Variants in KRABD3 observed in about 807,000 individuals in gnomAD.
KRABD3 encodes the protein KRAB domain containing 3.
At chr7:149,719,902 G>A in the KRABD3 span, 10 of 1,353,904 alleles carry the variant, frequency 7.4e-6, no homozygotes, top group Non-Finnish European at 9.8e-6. The surrounding 1 kb of genome is among the most constrained non-coding windows in gnomAD (Gnocchi z 5.6). Flanking sequence ...AGTTTAAGTG[G>A]TCACATGAAT....
the KRABD3 span, chr7:149,729,308 A>G: frequency 6.2e-7 from 1 of 1,600,476 alleles, no homozygotes; most frequent in South Asian, 1.1e-5. Flanking sequence ...CCCGCCTGCC[A>G]CCAGCGGGGG....
the KRABD3 span, chr7:149,734,091 C>T: frequency 1.9e-6 from 3 of 1,549,928 alleles, no homozygotes; most frequent in African/African-American, 2.7e-5. Context: ...GCCGAGGGTG[C>T]AGTGGTGGCG....
chr7:149,719,743 G>T, the KRABD3 span: 1 of 1,509,812 alleles, frequency 6.6e-7, no homozygotes, highest in South Asian at 1.2e-5. The surrounding 1 kb of genome is among the most constrained non-coding windows in gnomAD (Gnocchi z 5.6). Flanking sequence ...GGAGTCCCTG[G>T]ACCCGGCAGC....
the KRABD3 span, among the ~76,000 whole-genome samples, chr7:149,718,157 A>G: frequency 6.6e-6 from 1 of 152,086 alleles, no homozygotes; most frequent in Non-Finnish European, 1.5e-5. Flanking sequence ...CTGTAATCCT[A>G]GCACTTTGGG....
the KRABD3 span, chr7:149,725,879 C>G: frequency 6.4e-7 from 1 of 1,563,832 alleles, no homozygotes; most frequent in South Asian, 1.2e-5. Context: ...CTGTGCTGTT[C>G]CCTACAGAAG....
the KRABD3 span, chr7:149,730,649 C>G: frequency 6.7e-7 from 1 of 1,502,958 alleles, no homozygotes; most frequent in Admixed American, 2.0e-5. Context: ...TGAGTCCTGC[C>G]TGTCGCTTTG....
At chr7:149,725,822 C>T in the KRABD3 span, 3 of 1,411,618 alleles carry the variant, frequency 2.1e-6, no homozygotes, top group Non-Finnish European at 2.8e-6. Flanking sequence ...CCCGTGCACC[C>T]CATGGCCCAG....
chr7:149,728,988 G>A, the KRABD3 span, among the ~76,000 whole-genome samples: 1 of 152,346 alleles, frequency 6.6e-6, no homozygotes, highest in East Asian at 1.9e-4. Context: ...AAGCCCAGGG[G>A]TCCACGCAGC....
At chr7:149,733,713 C>A in the KRABD3 span, 1 of 1,581,814 alleles carries the variant, frequency 6.3e-7, no homozygotes, top group East Asian at 2.3e-5. Flanking sequence ...GACGCTCCCC[C>A]GGCAGAACCT....
At chr7:149,719,375 G>C in the KRABD3 span, 1 of 619,900 alleles carries the variant, frequency 1.6e-6, no homozygotes, top group Non-Finnish European at 2.6e-6. The surrounding 1 kb of genome is among the most constrained non-coding windows in gnomAD (Gnocchi z 5.6). Flanking sequence ...TCTCTGCAGA[G>C]ACACAGCTCA....
the KRABD3 span, chr7:149,733,160 G>C: frequency 2.6e-6 from 4 of 1,542,452 alleles, no homozygotes; most frequent in South Asian, 5.0e-5. Flanking sequence ...GGAGAGAAAG[G>C]TCCTTACAAA....
the KRABD3 span, chr7:149,728,531 C>G: frequency 6.2e-7 from 1 of 1,613,272 alleles, no homozygotes; most frequent in African/African-American, 1.3e-5. Context: ...AGGAAGCCCA[C>G]CAGGAAGCTC....
the KRABD3 span, among the ~76,000 whole-genome samples, chr7:149,723,142 A>G: frequency 6.6e-6 from 1 of 152,214 alleles, no homozygotes; most frequent in Non-Finnish European, 1.5e-5. Flanking sequence ...GGGAAAAGGA[A>G]ACTCGGAAGC....
At chr7:149,731,630 C>T in the KRABD3 span, 16,785 of 1,470,204 alleles carry the variant, frequency 0.011, 558 homozygotes, top group East Asian at 0.12. Flanking sequence ...TCTGGCCAAA[C>T]GATCGTCTCC....
At chr7:149,719,554 C>A in the KRABD3 span, 1 of 1,585,026 alleles carries the variant, frequency 6.3e-7, no homozygotes, top group Non-Finnish European at 8.6e-7. This position sits in a 1 kb window ranked among gnomAD's most constrained non-coding sequence, Gnocchi z 5.6. Context: ...AGGTGTCCAT[C>A]ACCTTCAAGG....
At chr7:149,720,558 G>A in the KRABD3 span, among the ~76,000 whole-genome samples, 2 of 152,226 alleles carry the variant, frequency 1.3e-5, no homozygotes, top group African/African-American at 4.8e-5. Flanking sequence ...GCGGCAGCCC[G>A]CCTGGGCATT....
chr7:149,733,730 C>T, the KRABD3 span: 1 of 1,582,480 alleles, frequency 6.3e-7, no homozygotes, highest in Non-Finnish European at 8.6e-7. Flanking sequence ...ACCTCCTGGG[C>T]TCCACTGCAG....
At chr7:149,720,298 G>A in the KRABD3 span, among the ~76,000 whole-genome samples, 128 of 152,288 alleles carry the variant, frequency 8.4e-4, no homozygotes, top group African/African-American at 3.0e-3. Flanking sequence ...GTTATGCAGA[G>A]AAGCACTCAG....
the KRABD3 span, among the ~76,000 whole-genome samples, chr7:149,726,638 A>G: frequency 0.21 from 31,687 of 151,222 alleles, 4,688 homozygotes; most frequent in African/African-American, 0.42. Flanking sequence ...AAGTTTCGCC[A>G]TGTTGGCCAG....
Sources: allele counts gnomAD v4.1 joint callset (sites outside exome capture counted in the v4.1 genomes callset), GRCh38; gene constraint gnomAD v4.1.1; non-coding constraint Gnocchi (gnomAD v3.1); transcripts MANE v1.5; gene names NCBI Gene and HGNC (gene_info 2026-07-23, HGNC 2026-07-21).